GABBR2: variants seen among roughly 807,000 people sequenced by gnomAD.
GABBR2 encodes the protein G-protein coupled receptor 51.
GABBR2 carries 23 observed loss-of-function variants against 105.6 expected under a neutral mutation model. That is an observed-to-expected ratio of 0.22 (90% CI 0.16 to 0.31). The LOEUF (loss-of-function observed/expected upper bound fraction) is 0.31, where lower values mean the gene tolerates loss of function less well. Ranked by LOEUF, GABBR2 falls within the 10% of genes least tolerant of loss-of-function variation. The probability of loss-of-function intolerance (pLI) is 1.00; values close to 1 mark genes in which losing one functional copy is unlikely to be tolerated. For missense variants in GABBR2, 734 were observed against 1,245.5 expected (o/e 0.59, Z 6.18); for synonymous variants, 478 against 499.7 (o/e 0.96, Z 0.58).
intron 6 of GABBR2, among the ~76,000 whole-genome samples, chr9:98,461,772 G>A (rs1168329226): frequency 6.6e-6 from 1 of 152,176 alleles, no homozygotes; most frequent in Non-Finnish European, 1.5e-5. Context: ...TCGTGGTGCT[G>A]GCATCTGCTT....
At chr9:98,328,748 T>C (rs539915680) in intron 13 of GABBR2, among the ~76,000 whole-genome samples, 86 of 152,288 alleles carry the variant, frequency 5.6e-4, no homozygotes, top group African/African-American at 1.6e-3. Flanking sequence ...CCAATGAGGC[T>C]GGGGCCAGAA....
At chr9:98,473,779 TAGTCTCTAACCCTA>T (rs1826734989) in intron 5 of GABBR2, among the ~76,000 whole-genome samples, 1 of 152,182 alleles carries the variant, frequency 6.6e-6, no homozygotes, top group South Asian at 2.1e-4. Context: ...AAGTATTTTC[TAGTCTCTAACCCTA>T]AAAATGTCCC....
intron 7 of GABBR2, among the ~76,000 whole-genome samples, chr9:98,414,941 C>T (rs1832661292): frequency 6.6e-6 from 1 of 152,112 alleles, no homozygotes; most frequent in Admixed American, 6.6e-5. Context: ...CGTGGAAAGG[C>T]TAACAACCAG....
intron 8 of GABBR2, among the ~76,000 whole-genome samples, chr9:98,400,112 A>T (rs1053788294): frequency 6.7e-6 from 1 of 150,310 alleles, no homozygotes; most frequent in African/African-American, 2.5e-5. Flanking sequence ...TACACCTGGG[A>T]GTTCAAGGCT....
At chr9:98,625,866 C>T (rs1717846851) in intron 1 of GABBR2, among the ~76,000 whole-genome samples, 1 of 152,184 alleles carries the variant, frequency 6.6e-6, no homozygotes, top group African/African-American at 2.4e-5. Flanking sequence ...GAAACTGAGA[C>T]TCAGGGAGGC....
intron 5 of GABBR2, among the ~76,000 whole-genome samples, chr9:98,474,002 C>T (rs969123544): frequency 8.5e-5 from 13 of 152,176 alleles, no homozygotes; most frequent in Non-Finnish European, 1.8e-4. Flanking sequence ...ACTTGGCAAA[C>T]CGAGAAGTCG....
At chr9:98,615,356 A>G (rs1488843905) in intron 1 of GABBR2, among the ~76,000 whole-genome samples, 1 of 152,238 alleles carries the variant, frequency 6.6e-6, no homozygotes, top group Non-Finnish European at 1.5e-5. Flanking sequence ...TTCACAGCAG[A>G]CCAGTGAAAA....
At chr9:98,605,404 G>A (rs1829401004) in intron 1 of GABBR2, among the ~76,000 whole-genome samples, 1 of 152,192 alleles carries the variant, frequency 6.6e-6, no homozygotes, top group African/African-American at 2.4e-5. Context: ...TCGCCACCCT[G>A]AGGCTAAGCT....
intron 6 of GABBR2, among the ~76,000 whole-genome samples, chr9:98,465,038 C>G (rs2131619014): frequency 7.0e-6 from 1 of 142,592 alleles, no homozygotes; most frequent in African/African-American, 2.6e-5. Context: ...TTGTGTTTAT[C>G]TGCTGACCTT....
chr9:98,420,337 C>G (rs540740904), intron 7 of GABBR2, among the ~76,000 whole-genome samples: 1 of 152,188 alleles, frequency 6.6e-6, no homozygotes, highest in Non-Finnish European at 1.5e-5. Context: ...CAGCCTCAGC[C>G]GGCCTCGACT....
chr9:98,426,626 A>G (rs1245737707), intron 7 of GABBR2, among the ~76,000 whole-genome samples: 1 of 152,202 alleles, frequency 6.6e-6, no homozygotes, highest in Non-Finnish European at 1.5e-5. Context: ...ATGGCTCCAC[A>G]AGGGAGTTGG....
intron 1 of GABBR2, among the ~76,000 whole-genome samples, chr9:98,669,866 G>C (rs1482882111): frequency 6.6e-6 from 1 of 151,974 alleles, no homozygotes; most frequent in Non-Finnish European, 1.5e-5. Context: ...GAGGAATCTA[G>C]TCCAAGGAGT....
At chr9:98,469,656 T>C (rs1166470942) in intron 6 of GABBR2, among the ~76,000 whole-genome samples, 1 of 152,152 alleles carries the variant, frequency 6.6e-6, no homozygotes, top group African/African-American at 2.4e-5. Flanking sequence ...AAAACCCCCC[T>C]TTTCCAAACA....
At chr9:98,608,829 T>G (rs1005612116) in intron 1 of GABBR2, among the ~76,000 whole-genome samples, 6 of 152,224 alleles carry the variant, frequency 3.9e-5, no homozygotes, top group African/African-American at 1.4e-4. Flanking sequence ...ATATTGGCCC[T>G]GCTGAAATAG....
At chr9:98,572,940 T>C (rs953660513) in intron 2 of GABBR2, among the ~76,000 whole-genome samples, 1 of 152,102 alleles carries the variant, frequency 6.6e-6, no homozygotes, top group African/African-American at 2.4e-5. Flanking sequence ...TAGGGCAGTA[T>C]TGTCTGGGTG....
At chr9:98,641,354 T>G (rs1044909603) in intron 1 of GABBR2, among the ~76,000 whole-genome samples, 1 of 151,166 alleles carries the variant, frequency 6.6e-6, no homozygotes, top group Non-Finnish European at 1.5e-5. Flanking sequence ...GTCAGGCTGG[T>G]CTCGAACTCC....
intron 1 of GABBR2, among the ~76,000 whole-genome samples, chr9:98,697,918 C>T (rs1008925058): frequency 1.3e-5 from 2 of 152,214 alleles, no homozygotes; most frequent in Non-Finnish European, 2.9e-5. Context: ...CTGCCACTTA[C>T]ATCCCTGAAA....
chr9:98,492,913 C>T (rs1273382800), intron 4 of GABBR2, among the ~76,000 whole-genome samples: 2 of 152,118 alleles, frequency 1.3e-5, no homozygotes, highest in Non-Finnish European at 1.5e-5. Flanking sequence ...TCAAGTTATT[C>T]TTTTTTATCC....
At chr9:98,683,720 T>G (rs948884159) in intron 1 of GABBR2, among the ~76,000 whole-genome samples, 3 of 150,944 alleles carry the variant, frequency 2.0e-5, no homozygotes, top group African/African-American at 7.3e-5. Flanking sequence ...CAACAGAAAA[T>G]TAATCCAGGC....
Sources: gnomAD v4.1 joint callset for allele counts (sites outside exome capture counted in the v4.1 genomes callset) on GRCh38, gnomAD v4.1.1 for gene constraint, MANE v1.5 for transcripts, NCBI Gene and HGNC (gene_info 2026-07-23, HGNC 2026-07-21) for gene names.